Variants in SENP1 observed in about 807,000 individuals in gnomAD.
SENP1 encodes sentrin-specific protease 1.
SENP1 carries 21 observed loss-of-function variants against 93.0 expected under a neutral mutation model. The ratio of observed to expected loss-of-function variants is 0.23; its 90% CI spans 0.16 to 0.33. The LOEUF is 0.33. Ranked by LOEUF, SENP1 falls within the 10% of genes least tolerant of loss-of-function variation. The pLI is 1.00. For missense variants in SENP1, 591 were observed against 758.7 expected (o/e 0.78, Z 2.60); for synonymous variants, 256 against 259.6 (o/e 0.99, Z 0.13).
Position 48,058,261 on chromosome 12 carries a change from A to G in SENP1, c.1407+5449T>C, listed in dbSNP as rs78014308. Among the ~76,000 whole-genome samples the G allele has an allele frequency of 2.2e-4, 33 of 152,236 alleles. No individual in the cohort carries two copies. The East Asian group carries it at 6.0e-3, about 28-fold the overall frequency. On this transcript the variant is annotated intron_variant, in intron 13 of 17. Transcript: ENST00000549518. The stretch of plus-strand genomic sequence containing the variant: ...GCACTCGGCCCATTTTACTTTTTTA[A>G]AAGTAACTATTAGACAATTTAAAAT...
chr12:48,105,705 G>A, intron 1 of SENP1: 1 of 482,034 alleles, frequency 2.1e-6, no homozygotes, highest in Non-Finnish European at 3.8e-6. Context: ...AATCGCAACC[G>A]GCCTTTCCCC....
chr12:48,049,036 T>C lies in SENP1; in HGVS notation c.1504A>G (p.Lys502Glu), dbSNP rs1325210757. 6.2e-7 allele frequency: 1 copy of C among 1,613,822 alleles called. No individual in the cohort carries two copies. The highest frequency in any genetic ancestry group is 1.7e-5 in the Admixed American group (1 of 60,002). The part of the protein sequence containing the change: ...AFNTFFFTKL[K>E]TAGYQAVKRW... ...TTCACTGCCTGATAACCAGCCGTTTTTAATTTAGTGAAGAAAAAGGTATTA... is the reference window on the plus strand; with the variant it reads ...TTCACTGCCTGATAACCAGCCGTTTCTAATTTAGTGAAGAAAAAGGTATTA... Residue 502 changes from lysine to glutamate, a missense_variant, in exon 14 of 18, where the codon AAA (lysine) becomes GAA (glutamate). Lys to Glu is a moderately conservative substitution (Grantham distance 56). Around this residue, in one of 4 missense-constraint regions of SENP1, gnomAD observed 132 missense variants for 230.1 expected, o/e 0.57. Coordinates refer to ENST00000549518, the MANE Select transcript of SENP1 (RefSeq NM_001267594.2).
intron 15 of SENP1, among the ~76,000 whole-genome samples, chr12:48,047,343 T>C (rs1941443614): frequency 6.6e-6 from 1 of 152,214 alleles, no homozygotes; most frequent in Non-Finnish European, 1.5e-5. Flanking sequence ...CCATTCCTTC[T>C]GAGGAACAAT....
chr12:48,051,769 C>T lies in SENP1; in HGVS notation c.1408-2637G>A, dbSNP rs771583013. ...CTTTTGTGAAGACAACTGTCCCCGA[C>T]GCCAAGTTGGCAACAGCCCTTTCCT... On this transcript the variant is annotated intron_variant, in intron 13 of 17. Coordinates refer to ENST00000549518, the MANE Select transcript of SENP1 (RefSeq NM_001267594.2). Among the ~76,000 whole-genome samples the T allele has an allele frequency of 6.6e-5, 10 of 152,340 alleles. No homozygotes were observed. In the South Asian group the frequency reaches 1.2e-3, roughly 19 times the overall value.
intron 9 of SENP1, among the ~76,000 whole-genome samples, chr12:48,068,275 C>A (rs141031534): frequency 6.6e-6 from 1 of 152,100 alleles, no homozygotes; most frequent in African/African-American, 2.4e-5. Context: ...CAGGGAAAAT[C>A]TGCTTTTCCA....
At chr12:48,093,290 T>G (rs1386453835) in intron 4 of SENP1, among the ~76,000 whole-genome samples, 1 of 150,844 alleles carries the variant, frequency 6.6e-6, no homozygotes, top group Non-Finnish European at 1.5e-5. Flanking sequence ...GTTTTTTTTT[T>G]TTTTTTTTTT....
intron 13 of SENP1, among the ~76,000 whole-genome samples, chr12:48,050,663 T>C (rs577654587): frequency 3.9e-5 from 6 of 152,252 alleles, no homozygotes; most frequent in Non-Finnish European, 7.3e-5. Flanking sequence ...AGTCTAACTC[T>C]GCCCCTCAGG....
At chr12:48,071,594 C>G (rs934934713) in intron 9 of SENP1, 73 bp downstream of exon 9, 62 of 1,082,474 alleles carry the variant, frequency 5.7e-5, no homozygotes, top group Non-Finnish European at 6.9e-5. Flanking sequence ...CCAGCCTGGG[C>G]AACAGAGCGA....
At position 48,079,003 on chromosome 12, in the gene SENP1, A is replaced by C. The variant is rs907896994; in HGVS notation, c.553-4210T>G. Among the ~76,000 whole-genome samples, 9 of 152,304 alleles carry C rather than the reference A, an allele frequency of 5.9e-5. No homozygotes were observed. In the South Asian group the frequency reaches 1.9e-3, roughly 32 times the overall value. On this transcript the variant is annotated intron_variant, in intron 6 of 17. Coordinates refer to ENST00000549518, the MANE Select transcript of SENP1 (RefSeq NM_001267594.2). ...GTCTCTACACAAAAAATGTTTAAAA[A>C]TTAGCTGCATATTAGCATGTGCCTG... is the stretch of plus-strand genomic sequence containing the variant.
intron 13 of SENP1, among the ~76,000 whole-genome samples, chr12:48,055,974 AT>A (rs1213354578): frequency 7.5e-6 from 1 of 133,750 alleles, no homozygotes; most frequent in Non-Finnish European, 1.5e-5. Context: ...TCAATATATA[AT>A]TTAATACATG....
At chr12:48,096,481 G>A (rs1338032976) in intron 3 of SENP1, 54 bp from the exon 4 acceptor site, 19 of 1,107,542 alleles carry the variant, frequency 1.7e-5, no homozygotes, top group Non-Finnish European at 2.4e-5. Context: ...TTTTGAGACA[G>A]TCTCACTCTT....
chr12:48,104,345 A>G (rs1370738829), intron 1 of SENP1, among the ~76,000 whole-genome samples: 1 of 148,172 alleles, frequency 6.7e-6, no homozygotes, highest in Non-Finnish European at 1.5e-5. Flanking sequence ...TGGTTAGAAC[A>G]ATTTATGATA....
At chr12:48,085,715 CAAAAAAA>C (rs200416260) in intron 5 of SENP1, among the ~76,000 whole-genome samples, 2,789 of 116,286 alleles carry the variant, frequency 0.024, 58 homozygotes, top group East Asian at 0.1. Flanking sequence ...TTGCTTCTCT[CAAAAAAA>C]AAAAAAAAAA....
chr12:48,061,045 A>G (rs1942926619), intron 13 of SENP1, among the ~76,000 whole-genome samples: 1 of 152,218 alleles, frequency 6.6e-6, no homozygotes, highest in South Asian at 2.1e-4. Flanking sequence ...ATGAATAGGT[A>G]CTGTGGTCAC....
chr12:48,098,388 T>C (rs1945703860), intron 2 of SENP1, among the ~76,000 whole-genome samples: 1 of 152,026 alleles, frequency 6.6e-6, no homozygotes. Context: ...CTCACACCTG[T>C]AATCCCAGCA....
intron 1 of SENP1, among the ~76,000 whole-genome samples, chr12:48,102,431 CA>C (rs57161608): frequency 0.27 from 13,099 of 47,706 alleles, 307 homozygotes; most frequent in African/African-American, 0.33. Flanking sequence ...GACTCTGTCT[CA>C]AAAAAAAAAA....
At chr12:48,066,510 ACTT>A (rs1237178377) in intron 10 of SENP1, among the ~76,000 whole-genome samples, 8 of 150,036 alleles carry the variant, frequency 5.3e-5, no homozygotes, top group African/African-American at 1.7e-4. Flanking sequence ...ATAAACAGGC[ACTT>A]CTTTTTTTTT....
rs1413802918 is a variant in SENP1 at position 48,091,147 on chromosome 12, T to C, written c.221-2187A>G. ...ACTTTTATGAATATAATAAACTTCA[T>C]ATTAAAAAAGAATGTGTCAAGACTG... On this transcript the variant is annotated intron_variant, in intron 4 of 17. Coordinates refer to ENST00000549518, the MANE Select transcript of SENP1 (RefSeq NM_001267594.2). Among the ~76,000 whole-genome samples, 3 of 152,156 alleles carry C rather than the reference T, an allele frequency of 2.0e-5. No homozygotes were observed. The East Asian group carries it at 5.8e-4, about 29-fold the overall frequency.
intron 11 of SENP1, 106 bp from the exon 12 acceptor site, chr12:48,065,326 G>T (rs747305136): frequency 1.8e-5 from 17 of 923,488 alleles, no homozygotes; most frequent in Non-Finnish European, 2.5e-5. Flanking sequence ...CAAAGAGCGT[G>T]CTTAAATGCC....
Sources: gnomAD v4.1 joint callset for allele counts (sites outside exome capture counted in the v4.1 genomes callset) on GRCh38, gnomAD v4.1.1 for gene constraint, gnomAD v4.1.1 regional missense constraint, MANE v1.5 for transcripts, NCBI Gene and HGNC (gene_info 2026-07-23, HGNC 2026-07-21) for gene names.